BNC2: variants seen among roughly 807,000 people sequenced by gnomAD.
BNC2 encodes basonuclin zinc finger protein 2.
A neutral mutation model predicts 76.3 loss-of-function variants in BNC2; 20 were observed. The observed-to-expected ratio is 0.26, with a 90% CI of 0.18 to 0.38. The LOEUF is 0.38. Ranked by LOEUF, BNC2 falls within the 10% of genes least tolerant of loss-of-function variation. The probability of loss-of-function intolerance (pLI) is 1.00; values close to 1 mark genes in which losing one functional copy is unlikely to be tolerated. For missense variants in BNC2, 1,382 were observed against 1,399.8 expected (o/e 0.99, Z 0.20); for synonymous variants, 582 against 514.8 (o/e 1.13, Z -1.77).
chr9:16,775,411 C>T (rs200033427), intron 1 of BNC2, among the ~76,000 whole-genome samples: 12 of 123,980 alleles, frequency 9.7e-5, no homozygotes, highest in Non-Finnish European at 1.9e-4. Context: ...AAAAAAAAAA[C>T]TCCCATGATT....
At chr9:16,539,662 GGGA>G (rs1249325591) in intron 5 of BNC2, among the ~76,000 whole-genome samples, 2 of 61,694 alleles carry the variant, frequency 3.2e-5, no homozygotes, top group African/African-American at 1.3e-4. Context: ...AGAGAAGGGA[GGGA>G]GGGAGGGAGG....
intron 2 of BNC2, chr9:16,728,339 C>T: frequency 2.5e-6 from 1 of 398,762 alleles, no homozygotes; most frequent in East Asian, 6.0e-5. Context: ...CACCAAATGA[C>T]ACCCTGCACT....
intron 5 of BNC2, among the ~76,000 whole-genome samples, chr9:16,471,061 A>C (rs1821813321): frequency 6.6e-6 from 1 of 152,162 alleles, no homozygotes; most frequent in Admixed American, 6.5e-5. Context: ...ACAAGGGCGG[A>C]GCTGCCCAAG....
At chr9:16,530,329 A>G (rs1817940068) in intron 5 of BNC2, among the ~76,000 whole-genome samples, 1 of 152,164 alleles carries the variant, frequency 6.6e-6, no homozygotes, top group Non-Finnish European at 1.5e-5. Context: ...TGCAAAATTT[A>G]GTTAACAACA....
chr9:16,753,702 C>T (rs890353173), intron 1 of BNC2, among the ~76,000 whole-genome samples: 5 of 152,204 alleles, frequency 3.3e-5, no homozygotes. Flanking sequence ...TCAGCAAGCC[C>T]AGTATGTCCC....
chr9:16,690,462 T>TATACATAC (rs138085453), intron 3 of BNC2, among the ~76,000 whole-genome samples: 12,362 of 151,652 alleles, frequency 0.082, 903 homozygotes, highest in East Asian at 0.36. Context: ...GTCTCAAATA[T>TATACATAC]ATACATACAT....
At chr9:16,804,326 T>C (rs1417868209) in intron 1 of BNC2, among the ~76,000 whole-genome samples, 2 of 152,226 alleles carry the variant, frequency 1.3e-5, no homozygotes, top group African/African-American at 2.4e-5. Context: ...AGTACTATCA[T>C]TGTCTCCAAA....
intron 3 of BNC2, among the ~76,000 whole-genome samples, chr9:16,643,415 C>A (rs1405667844): frequency 1.3e-5 from 2 of 151,890 alleles, no homozygotes; most frequent in African/African-American, 4.8e-5. Flanking sequence ...GTCTCAGCAA[C>A]CCCAAACATA....
chr9:16,561,561 A>C (rs530179197), intron 4 of BNC2, among the ~76,000 whole-genome samples: 38 of 136,120 alleles, frequency 2.8e-4, no homozygotes, highest in Non-Finnish European at 5.5e-4. Context: ...CTCCAAGTAC[A>C]TGAATTCATT....
chr9:16,494,341 T>C (rs1188352031), intron 5 of BNC2, among the ~76,000 whole-genome samples: 2 of 151,816 alleles, frequency 1.3e-5, no homozygotes, highest in Admixed American at 6.6e-5. Context: ...TTAGTAGAGA[T>C]GGGGTTTCAC....
intron 3 of BNC2, among the ~76,000 whole-genome samples, chr9:16,589,216 C>T (rs535620527): frequency 2.7e-4 from 41 of 152,238 alleles, no homozygotes; most frequent in African/African-American, 9.6e-4. Flanking sequence ...AGACAGATCT[C>T]GCTCTGTTAC....
At chr9:16,564,683 C>G (rs576899931) in intron 4 of BNC2, among the ~76,000 whole-genome samples, 2 of 152,146 alleles carry the variant, frequency 1.3e-5, no homozygotes, top group Non-Finnish European at 2.9e-5. Flanking sequence ...TGAAATCAGA[C>G]TTCTTTGTGT....
intron 1 of BNC2, among the ~76,000 whole-genome samples, chr9:16,810,886 T>C (rs187123813): frequency 6.6e-6 from 1 of 152,200 alleles, no homozygotes; most frequent in African/African-American, 2.4e-5. Context: ...ATATGAAATC[T>C]CCCCAAATTT....
At chr9:16,556,107 T>C (rs1818823062) in intron 4 of BNC2, among the ~76,000 whole-genome samples, 1 of 151,552 alleles carries the variant, frequency 6.6e-6, no homozygotes, top group African/African-American at 2.4e-5. Flanking sequence ...TGAGATCAGC[T>C]TAGGCAACAC....
chr9:16,420,323 G>T, intron 6 of BNC2, among the ~76,000 whole-genome samples: 1 of 151,958 alleles, frequency 6.6e-6, no homozygotes, highest in Admixed American at 6.6e-5. Flanking sequence ...GAATGATTTG[G>T]GAATCCCAGT....
chr9:16,480,552 G>C (rs990704721), intron 5 of BNC2, among the ~76,000 whole-genome samples: 3 of 152,184 alleles, frequency 2.0e-5, no homozygotes, highest in Non-Finnish European at 4.4e-5. Context: ...GGCGCTTGCG[G>C]GCCAGCTGGA....
chr9:16,611,085 T>C (rs1820532748), intron 3 of BNC2, among the ~76,000 whole-genome samples: 1 of 152,116 alleles, frequency 6.6e-6, no homozygotes, highest in Non-Finnish European at 1.5e-5. Flanking sequence ...AAAAAAAAAG[T>C]ACAAGCAAGA....
At chr9:16,547,201 T>G (rs1381195243) in intron 5 of BNC2, among the ~76,000 whole-genome samples, 3 of 152,240 alleles carry the variant, frequency 2.0e-5, no homozygotes, top group Non-Finnish European at 2.9e-5. Context: ...AGTGTTTGCT[T>G]AATATGGATG....
intron 5 of BNC2, among the ~76,000 whole-genome samples, chr9:16,443,451 A>C (rs1186783184): frequency 6.6e-6 from 1 of 152,190 alleles, no homozygotes; most frequent in Admixed American, 6.5e-5. Flanking sequence ...CAAGAGAAAC[A>C]GATTGGATAG....
Sources: allele counts gnomAD v4.1 joint callset (sites outside exome capture counted in the v4.1 genomes callset), GRCh38; gene constraint gnomAD v4.1.1; transcripts MANE v1.5; gene names NCBI Gene and HGNC (gene_info 2026-07-23, HGNC 2026-07-21).